Variants in ARL6IP6 observed in about 807,000 individuals in gnomAD.
ARL6IP6 encodes ARF like GTPase 6 interacting protein 6.
Under a neutral mutation model 21.5 loss-of-function variants are expected in ARL6IP6, and 22 were observed. That is an observed-to-expected ratio of 1.02 (90% CI 0.73 to 1.46). ARL6IP6 has a LOEUF of 1.46. Ranked by LOEUF, ARL6IP6 falls within the 40% of genes most tolerant of loss-of-function variation. The pLI, the probability that ARL6IP6 is intolerant of heterozygous loss-of-function variation, is 0.00. For synonymous variants in ARL6IP6, 164 were observed against 125.3 expected (o/e 1.31, Z -2.06); for missense variants, 388 against 299.8 (o/e 1.29, Z -2.17).
rs1701833171 is a variant in ARL6IP6 at position 152,761,255 on chromosome 2, G to T, written c.*1415G>T. The T allele has an allele frequency of 6.6e-6, 1 of 152,134 alleles. No homozygotes were observed. Among genetic ancestry groups the T allele is most frequent in the African/African-American group, 2.4e-5 (1 of 41,424 alleles). The allele number at this position is 152,134 out of a possible 1,614,324, so 9.4% of individuals were successfully genotyped here. ...CCAATTTAAATTATCTGAAATGTGT[G>T]TGTGTGTGTGTGTATCTAAATATCA... is the stretch of plus-strand genomic sequence containing the variant. On this transcript the variant is annotated 3_prime_UTR_variant, in exon 4 of 4. Coordinates refer to ENST00000326446, the MANE Select transcript of ARL6IP6 (RefSeq NM_152522.7).
intron 1 of ARL6IP6, 48 bp from the exon 2 acceptor site, chr2:152,720,485 C>T: frequency 6.3e-7 from 1 of 1,579,510 alleles, no homozygotes; most frequent in Admixed American, 1.7e-5. Flanking sequence ...AGTTACTTTT[C>T]AAATTATAGT....
intron 3 of ARL6IP6, among the ~76,000 whole-genome samples, chr2:152,751,969 A>G (rs1574066377): frequency 6.6e-6 from 1 of 152,212 alleles, no homozygotes; most frequent in Admixed American, 6.5e-5. Context: ...CATAATGGCT[A>G]TATTAATTTA....
At chr2:152,725,866 T>C (rs1486346772) in intron 2 of ARL6IP6, among the ~76,000 whole-genome samples, 1 of 152,234 alleles carries the variant, frequency 6.6e-6, no homozygotes, top group Non-Finnish European at 1.5e-5. Context: ...TATGAAAATT[T>C]TTAACAAAGT....
At chr2:152,732,354 T>C (rs1053442491) in intron 2 of ARL6IP6, among the ~76,000 whole-genome samples, 2 of 152,120 alleles carry the variant, frequency 1.3e-5, no homozygotes, top group Non-Finnish European at 2.9e-5. Flanking sequence ...GAGAATGTTA[T>C]CCAACTTTTT....
At chr2:152,718,194 G>A (rs1699296661), upstream of ARL6IP6, 3 of 550,464 alleles carry the variant, frequency 5.4e-6, no homozygotes, top group Admixed American at 1.3e-4. Context: ...AAGACAAATA[G>A]GTTCGGGAAT....
chr2:152,727,574 C>A (rs1700102730), intron 2 of ARL6IP6, among the ~76,000 whole-genome samples: 1 of 152,168 alleles, frequency 6.6e-6, no homozygotes, highest in African/African-American at 2.4e-5. Flanking sequence ...AAGCTCCATT[C>A]ATTGTAAGTA....
In ARL6IP6 at chr2:152,760,164, CTT is replaced by C. The variant is rs1701770241; in HGVS notation, c.*325_*326del. The C allele has an allele frequency of 5.1e-6, 1 of 194,544 alleles. No individual in the cohort carries two copies. 12.1% of individuals were successfully genotyped at this position (194,544 alleles called of 1,614,324 possible). On this transcript the variant is annotated 3_prime_UTR_variant, in exon 4 of 4. Transcript: ENST00000326446. ...TTTTAATGGAATTTAAACTCAAAAA[CTT>C]GAATACAGGACAATGCTTGCCTTTT... is the stretch of plus-strand genomic sequence containing the variant.
rs748828407 is a variant in ARL6IP6, at chr2:152,732,916, A to G, written c.455-2078A>G. 3.8e-4 allele frequency among the ~76,000 whole-genome samples: 58 copies of G among 151,348 alleles called. 2 individuals are homozygous for G. Among genetic ancestry groups the G allele is most frequent in the Non-Finnish European group, 7.7e-4 (52 of 67,864 alleles). ...CTTTTTTTTTTTCCAAATATTTTTC[A>G]TCCAAGGTTGGTTGAATTCCAGATA... is the stretch of plus-strand genomic sequence containing the variant. On this transcript the variant is annotated intron_variant, in intron 2 of 3. Coordinates refer to ENST00000326446, the MANE Select transcript of ARL6IP6 (RefSeq NM_152522.7).
intron 3 of ARL6IP6, among the ~76,000 whole-genome samples, chr2:152,750,217 G>A (rs912854994): frequency 7.2e-5 from 11 of 152,076 alleles, no homozygotes; most frequent in South Asian, 2.1e-4. Context: ...AGTGGCTCAC[G>A]CCTGTATCCC....
intron 3 of ARL6IP6, among the ~76,000 whole-genome samples, chr2:152,741,770 G>C (rs1700819818): frequency 1.3e-5 from 2 of 152,152 alleles, no homozygotes; most frequent in African/African-American, 4.8e-5. Context: ...ACTTCAACAG[G>C]CATATTTTTT....
chr2:152,718,582 T>C (rs760947923), upstream of ARL6IP6: 1 of 1,492,778 alleles, frequency 6.7e-7, no homozygotes, highest in Non-Finnish European at 8.9e-7. Flanking sequence ...GCGGGGCAGG[T>C]GGGAGAGGCT....
rs932600006 is a variant in ARL6IP6, at chr2:152,761,812, A to G, written c.*1972A>G. 6.6e-6 allele frequency among the ~76,000 whole-genome samples: 1 copy of G among 152,178 alleles called. No homozygotes were observed. Among genetic ancestry groups the G allele is most frequent in the African/African-American group, 2.4e-5 (1 of 41,430 alleles). On this transcript the variant is annotated 3_prime_UTR_variant, in exon 4 of 4. Transcript: ENST00000326446. Reference sequence around the variant, plus strand: ...AGGCTATACCATCTAGGTTTGTGTAAGTATACTCTGATGTTCACACAATGA... The same window carrying G: ...AGGCTATACCATCTAGGTTTGTGTAGGTATACTCTGATGTTCACACAATGA...
chr2:152,724,776 G>A (rs1194716146), intron 2 of ARL6IP6, among the ~76,000 whole-genome samples: 1 of 152,168 alleles, frequency 6.6e-6, no homozygotes, highest in Non-Finnish European at 1.5e-5. Context: ...ACTCAGTAGT[G>A]TGAGATGGAG....
chr2:152,733,152 G>A (rs1486902624), intron 2 of ARL6IP6, among the ~76,000 whole-genome samples: 3 of 152,102 alleles, frequency 2.0e-5, no homozygotes, highest in Non-Finnish European at 2.9e-5. Flanking sequence ...TATCTGGTAT[G>A]GATCTAACTT....
chr2:152,730,354 G>C (rs1700250178), intron 2 of ARL6IP6, among the ~76,000 whole-genome samples: 1 of 152,040 alleles, frequency 6.6e-6, no homozygotes, highest in African/African-American at 2.4e-5. Context: ...TCGTTCTATA[G>C]CAGTCCCCAA....
At chr2:152,719,786 T>G (rs1210282997) in intron 1 of ARL6IP6, 1 of 353,302 alleles carries the variant, frequency 2.8e-6, no homozygotes, top group Non-Finnish European at 5.8e-6. Context: ...AAAAGAACTT[T>G]GTTGTATGAA....
intron 3 of ARL6IP6, among the ~76,000 whole-genome samples, chr2:152,741,398 GT>G (rs1248117577): frequency 7.6e-4 from 108 of 142,488 alleles, no homozygotes; most frequent in Middle Eastern, 3.9e-3. Flanking sequence ...AAGTACCTGG[GT>G]TTTTTTTTTT....
At chr2:152,736,645 A>G (rs1157507702) in intron 3 of ARL6IP6, among the ~76,000 whole-genome samples, 1 of 152,178 alleles carries the variant, frequency 6.6e-6, no homozygotes, top group Non-Finnish European at 1.5e-5. Context: ...TCACTCTTCT[A>G]ATTCACTCTA....
chr2:152,722,021 CAG>C (rs1276901734), intron 2 of ARL6IP6, among the ~76,000 whole-genome samples: 38 of 152,282 alleles, frequency 2.5e-4, no homozygotes, highest in African/African-American at 9.1e-4. Context: ...GCAGTGGAAA[CAG>C]AATCTTATGA....
Sources: allele counts gnomAD v4.1 joint callset (sites outside exome capture counted in the v4.1 genomes callset), GRCh38; gene constraint gnomAD v4.1.1; transcripts MANE v1.5; gene names NCBI Gene and HGNC (gene_info 2026-07-23, HGNC 2026-07-21).